The following CENPN variants were observed in gnomAD, a reference collection of about 807,000 sequenced individuals.
CENPN encodes the protein interphase centromere complex protein 32.
CENPN carries 36 observed loss-of-function variants against 48.6 expected under a neutral mutation model. The observed-to-expected ratio is 0.74, with a 90% CI of 0.57 to 0.98. The LOEUF (loss-of-function observed/expected upper bound fraction) is 0.98, where lower values mean the gene tolerates loss of function less well. Among genes scored for constraint, CENPN ranks in the 50% least tolerant of loss-of-function variants. The pLI, the probability that CENPN is intolerant of heterozygous loss-of-function variation, is 0.00. For missense variants in CENPN, 439 were observed against 399.2 expected, an observed-to-expected ratio of 1.10 and a Z score of -0.85; for synonymous variants, 166 against 135.2, an observed-to-expected ratio of 1.23 and a Z score of -1.58.
chr16:81,028,518 C>T, intron 10 of CENPN, 51 bp from the exon 11 acceptor site: 1 of 1,591,584 alleles, frequency 6.3e-7, no homozygotes, highest in African/African-American at 1.4e-5. Context: ...ATCCATCCTC[C>T]TGTGATGACT....
intron 5 of CENPN, among the ~76,000 whole-genome samples, chr16:81,019,330 C>T (rs1970072298): frequency 1.3e-5 from 2 of 151,960 alleles, no homozygotes; most frequent in Non-Finnish European, 2.9e-5. Flanking sequence ...CATCCTCCCA[C>T]CTCAGCCTCT....
chr16:81,011,180 T>A (rs1969725710), intron 1 of CENPN, among the ~76,000 whole-genome samples: 1 of 152,208 alleles, frequency 6.6e-6, no homozygotes, highest in African/African-American at 2.4e-5. Context: ...TTGCACATGC[T>A]GTTCCTTCTG....
downstream of CENPN, among the ~76,000 whole-genome samples, chr16:81,031,809 G>A (rs964773572): frequency 4.6e-5 from 7 of 152,122 alleles, no homozygotes; most frequent in Admixed American, 2.6e-4. Flanking sequence ...CACCATGTTG[G>A]TCAGACTGGT....
chr16:81,026,081 GTGTGTGTGTATATATA>G (rs976366907), intron 8 of CENPN, among the ~76,000 whole-genome samples: 24 of 147,260 alleles, frequency 1.6e-4, no homozygotes, highest in African/African-American at 5.3e-4. Flanking sequence ...GTGTGTGTGT[GTGTGTGTGTATATATA>G]TGTGTGTGTA....
At chr16:81,014,004 T>C (rs998503858) in intron 2 of CENPN, 132 bp from the exon 3 acceptor site, 14 of 578,658 alleles carry the variant, frequency 2.4e-5, no homozygotes, top group Middle Eastern at 2.8e-4. Context: ...GGAGAAGAGA[T>C]TGGAGATGGG....
rs761078576 is a variant in CENPN at position 81,025,689 on chromosome 16, C to CTT, written c.698-836_698-835insTT. ...TGGGCAACATAGTGAGACCCTGTCT[C>CTT]TCTTTTTTTTTTTTTTTTTTTTTTT... On this transcript the variant is annotated intron_variant, in intron 8 of 10. Coordinates refer to ENST00000305850, the MANE Select transcript of CENPN (RefSeq NM_001100624.3). 5.3e-4 allele frequency among the ~76,000 whole-genome samples: 72 copies of CTT among 135,224 alleles called. 9 individuals are homozygous for CTT. Among genetic ancestry groups the CTT allele is most frequent in the African/African-American group, 2.1e-3 (71 of 34,024 alleles). 88.7% of individuals were successfully genotyped at this position (135,224 alleles called of 152,430 possible). A position where few individuals can be genotyped will look rare whatever the true frequency, so the allele number is the denominator to read the frequency against.
intron 10 of CENPN, 43 bp downstream of exon 10, chr16:81,028,340 A>T (rs1597111473): frequency 6.2e-7 from 1 of 1,605,554 alleles, no homozygotes; most frequent in African/African-American, 1.3e-5. Flanking sequence ...AATTAACAAC[A>T]TGCCTCCATT....
chr16:81,013,539 G>A (rs540525119), intron 2 of CENPN, among the ~76,000 whole-genome samples: 2 of 152,146 alleles, frequency 1.3e-5, no homozygotes, highest in Admixed American at 1.3e-4. Context: ...TGGCCAACAT[G>A]GTGAAACCCC....
chr16:81,028,703 A>G lies in CENPN; in HGVS notation c.*52A>G. Reference sequence around the variant, plus strand: ...TCCTCCTTCTTGATATTGCACATGCACTTCAGTTCATGGCTAGCTGTATAG... The same window carrying G: ...TCCTCCTTCTTGATATTGCACATGCGCTTCAGTTCATGGCTAGCTGTATAG... On this transcript the variant is annotated 3_prime_UTR_variant, in exon 11 of 11. Coordinates refer to ENST00000305850, the MANE Select transcript of CENPN (RefSeq NM_001100624.3). The G allele has an allele frequency of 6.3e-7, 1 of 1,581,956 alleles. No homozygotes were observed. The highest frequency in any genetic ancestry group is 8.5e-7 in the Non-Finnish European group (1 of 1,169,750).
In CENPN at chr16:81,030,261, T is replaced by C. The variant is rs1970710771; in HGVS notation, c.*1610T>C. The C allele has an allele frequency of 1.0e-6, 1 of 985,450 alleles. No individual in the cohort carries two copies. The highest frequency in any genetic ancestry group is 1.2e-6 in the Non-Finnish European group (1 of 829,934). 61.0% of individuals were successfully genotyped at this position (985,450 alleles called of 1,614,324 possible). Reference sequence around the variant, plus strand: ...CATGTCTTTTTTAAACATTTTAAAATCTATTCTTTATCTTGTTTCAGAGAG... The same window carrying C: ...CATGTCTTTTTTAAACATTTTAAAACCTATTCTTTATCTTGTTTCAGAGAG... On this transcript the variant is annotated 3_prime_UTR_variant, in exon 11 of 11. Transcript: ENST00000305850.
chr16:81,021,556 G>T (rs889285193), intron 6 of CENPN, among the ~76,000 whole-genome samples: 1 of 152,168 alleles, frequency 6.6e-6, no homozygotes, highest in African/African-American at 2.4e-5. Flanking sequence ...GCCCTAGGTA[G>T]TAAATGACTA....
intron 10 of CENPN, 110 bp downstream of exon 10, chr16:81,028,407 C>T (rs1201141817): frequency 1.3e-5 from 19 of 1,485,706 alleles, no homozygotes; most frequent in Non-Finnish European, 1.6e-5. Flanking sequence ...AGTCTGCTAG[C>T]CCATCCTGCT....
downstream of CENPN, chr16:81,032,704 G>A: frequency 1.9e-6 from 3 of 1,597,600 alleles, no homozygotes; most frequent in Admixed American, 5.4e-5. Context: ...AAATCATGAT[G>A]TCACAACATT....
chr16:81,029,190 G>C lies in CENPN; in HGVS notation c.*539G>C. The C allele has an allele frequency of 1.0e-6, 1 of 967,858 alleles. No individual in the cohort carries two copies. The highest frequency in any genetic ancestry group is 1.2e-6 in the Non-Finnish European group (1 of 814,082). 60.0% of individuals were successfully genotyped at this position (967,858 alleles called of 1,614,324 possible). Reference sequence around the variant, plus strand: ...TTGCAAGAGGTTGCATATTTGGTGAGTCAGTTATATAAAATAGTGTTCTTA... The same window carrying C: ...TTGCAAGAGGTTGCATATTTGGTGACTCAGTTATATAAAATAGTGTTCTTA... On this transcript the variant is annotated 3_prime_UTR_variant, in exon 11 of 11. Transcript: ENST00000305850.
At chr16:81,009,182 A>T (rs763898635) in intron 1 of CENPN, among the ~76,000 whole-genome samples, 5 of 152,036 alleles carry the variant, frequency 3.3e-5, no homozygotes, top group Non-Finnish European at 7.3e-5. Context: ...CCACTACTAC[A>T]CTCTAATGTG....
At chr16:81,018,645 A>G (rs146987011) in intron 5 of CENPN, among the ~76,000 whole-genome samples, 2 of 152,200 alleles carry the variant, frequency 1.3e-5, no homozygotes, top group Non-Finnish European at 2.9e-5. Flanking sequence ...TCTTCCATTC[A>G]AGGCAGTAGA....
intron 1 of CENPN, among the ~76,000 whole-genome samples, chr16:81,008,074 T>G (rs1969537851): frequency 6.6e-6 from 1 of 152,118 alleles, no homozygotes; most frequent in Non-Finnish European, 1.5e-5. Flanking sequence ...GCCACTGCAC[T>G]GCACCCTGGG....
Position 81,028,314 on chromosome 16 carries a change from C to A in CENPN, c.937+17C>A. 6.2e-7 allele frequency: 1 copy of A among 1,611,170 alleles called. No individual in the cohort carries two copies. The highest frequency in any genetic ancestry group is 1.1e-5 in the South Asian group (1 of 90,686). On this transcript the variant is annotated intron_variant, in intron 10 of 10. Coordinates refer to ENST00000305850, the MANE Select transcript of CENPN (RefSeq NM_001100624.3). ...CACCAGCGGGTGAGTGGTCAGCTTA[C>A]TCTATAAGCTAGAAAAATTAACAAC...
rs1206692214 is a variant in CENPN, at chr16:81,009,630, TCTTA to T, written c.-10-2297_-10-2294del. Among the ~76,000 whole-genome samples the T allele has an allele frequency of 2.6e-5, 4 of 152,360 alleles. No individual in the cohort carries two copies. In the East Asian group the frequency reaches 7.7e-4, roughly 29 times the overall value. On this transcript the variant is annotated intron_variant, in intron 1 of 10. Transcript: ENST00000305850. ...TCCTAATCCTTCCTCTTTATCTTTG[TCTTA>T]CTATCATTTTCAGTATATTGTTAAA...
Sources: allele counts gnomAD v4.1 joint callset (sites outside exome capture counted in the v4.1 genomes callset), GRCh38; gene constraint gnomAD v4.1.1; transcripts MANE v1.5; gene names NCBI Gene and HGNC (gene_info 2026-07-23, HGNC 2026-07-21).